The following PRRX2 variants were observed in gnomAD, a reference collection of about 807,000 sequenced individuals.
PRRX2 encodes paired mesoderm homeobox protein 2.
In PRRX2, 11 loss-of-function variants were observed where a neutral mutation model predicts 18.0. That is an observed-to-expected ratio of 0.61 (90% confidence interval 0.39 to 1.01). The LOEUF (loss-of-function observed/expected upper bound fraction) is 1.01, where lower values mean the gene tolerates loss of function less well. Among genes scored for constraint, PRRX2 ranks in the 50% least tolerant of loss-of-function variants. The pLI is 0.01. For missense variants in PRRX2, 387 were observed against 351.0 expected, an observed-to-expected ratio of 1.10 and a Z score of -0.82; for synonymous variants, 177 against 154.8, an observed-to-expected ratio of 1.14 and a Z score of -1.06.
In PRRX2 at chr9:129,675,076, CGAG is replaced by C. The variant is rs1021284915; in HGVS notation, c.259+8952_259+8954del. Among the ~76,000 whole-genome samples the C allele has an allele frequency of 2.0e-5, 3 of 152,148 alleles. No homozygotes were observed. The highest frequency in any genetic ancestry group is 1.9e-4 in the East Asian group (1 of 5,178). On this transcript the variant is annotated intron_variant, in intron 1 of 3. Coordinates refer to ENST00000372469, the MANE Select transcript of PRRX2 (RefSeq NM_016307.4). This position sits in a 1 kb window ranked among gnomAD's most constrained non-coding sequence, Gnocchi z 4.4. Reference sequence around the variant, plus strand: ...TTACCCGAGTGGAAAGCGGTCCTCTCGAGGGGACAGAGAGGCCGGGCAGAGCTG... The same window carrying C: ...TTACCCGAGTGGAAAGCGGTCCTCTCGGGACAGAGAGGCCGGGCAGAGCTG...
At chr9:129,705,833 T>C (rs1832550497) in intron 1 of PRRX2, among the ~76,000 whole-genome samples, 1 of 149,930 alleles carries the variant, frequency 6.7e-6, no homozygotes, top group East Asian at 2.1e-4. Flanking sequence ...CCCAGCACTT[T>C]GGGAGGCCGA....
chr9:129,691,284 C>CCAAG (rs1832357953), intron 1 of PRRX2, among the ~76,000 whole-genome samples: 1 of 151,750 alleles, frequency 6.6e-6, no homozygotes, highest in South Asian at 2.1e-4. Context: ...TTGCGGTGAC[C>CCAAG]CAAGATCGCA....
intron 1 of PRRX2, among the ~76,000 whole-genome samples, chr9:129,673,280 C>T (rs984283563): frequency 6.6e-6 from 1 of 152,020 alleles, no homozygotes; most frequent in South Asian, 2.1e-4. Flanking sequence ...AAGACCTTGC[C>T]TCTACAAACA....
chr9:129,678,088 C>T (rs1832183918), intron 1 of PRRX2, among the ~76,000 whole-genome samples: 1 of 151,368 alleles, frequency 6.6e-6, no homozygotes, highest in Non-Finnish European at 1.5e-5. Flanking sequence ...CTCAGCCTCT[C>T]GAGTAGCTAG....
At position 129,720,657 on chromosome 9, in the gene PRRX2, G is replaced by T. The variant is rs766187907; in HGVS notation, c.509G>T (p.Arg170Leu). The T allele has an allele frequency of 4.3e-6, 7 of 1,613,368 alleles. No individual in the cohort carries two copies. Among genetic ancestry groups the T allele is most frequent in the Non-Finnish European group, 5.9e-6 (7 of 1,179,770 alleles). ...AATGAAAGGGCCATGCTGGCCAGCC[G>T]CTCTGCCTCGCTGCTCAAGTCCTAC... Reference protein sequence around the residue: ...RRNERAMLASRSASLLKSYSQ... With the variant: ...RRNERAMLASLSASLLKSYSQ... The change falls in exon 3 of 4, where the codon CGC becomes CTC. Residue 170 changes from arginine (R) to leucine (L), a missense_variant. Physicochemically the swap from Arg to Leu is moderately radical, Grantham distance 102. Coordinates refer to ENST00000372469, the MANE Select transcript of PRRX2 (RefSeq NM_016307.4).
At position 129,675,759 on chromosome 9, in the gene PRRX2, T is replaced by C. The variant is rs761057261; in HGVS notation, c.259+9633T>C. Among the ~76,000 whole-genome samples the C allele has an allele frequency of 6.6e-6, 1 of 152,196 alleles. No homozygotes were observed. The highest frequency in any genetic ancestry group is 1.5e-5 in the Non-Finnish European group (1 of 68,018). On this transcript the variant is annotated intron_variant, in intron 1 of 3. Transcript: ENST00000372469. The surrounding 1 kb of genome is among the most constrained non-coding windows in gnomAD (Gnocchi z 4.4). ...GAGCTGGAATTACCACGCGGATGGC[T>C]GCAAACCTCGGAATCAAAGCGGGAG...
intron 1 of PRRX2, among the ~76,000 whole-genome samples, chr9:129,674,503 G>A (rs1832140391): frequency 6.6e-6 from 1 of 152,170 alleles, no homozygotes; most frequent in Non-Finnish European, 1.5e-5. Context: ...CCGGGCAACA[G>A]GCTGTGGGCT....
chr9:129,666,179 GC>G, intron 1 of PRRX2, 53 bp downstream of exon 1: 1 of 994,758 alleles, frequency 1.0e-6, no homozygotes, highest in Non-Finnish European at 1.2e-6. Flanking sequence ...CGGGGCCGGG[GC>G]CGGGGCGCGG....
chr9:129,708,213 T>G (rs1272802564), intron 1 of PRRX2, among the ~76,000 whole-genome samples: 1 of 152,184 alleles, frequency 6.6e-6, no homozygotes, highest in Non-Finnish European at 1.5e-5. Flanking sequence ...TTTTTGTATT[T>G]TCAATAGAGA....
At position 129,709,706 on chromosome 9, in the gene PRRX2, T is replaced by C. The variant is rs1832597822; in HGVS notation, c.260-9525T>C. 6.6e-6 allele frequency among the ~76,000 whole-genome samples: 1 copy of C among 152,158 alleles called. No individual in the cohort carries two copies. Among genetic ancestry groups the C allele is most frequent in the Non-Finnish European group, 1.5e-5 (1 of 68,032 alleles). On this transcript the variant is annotated intron_variant, in intron 1 of 3. Coordinates refer to ENST00000372469, the MANE Select transcript of PRRX2 (RefSeq NM_016307.4). This position sits in a 1 kb window ranked among gnomAD's most constrained non-coding sequence, Gnocchi z 4.2. ...ATGTGTCAGCGTCACGGGTTTTTGT[T>C]CAAAATTAATGAGGTGAAACATTCT...
intron 1 of PRRX2, among the ~76,000 whole-genome samples, chr9:129,687,251 G>A (rs1252016613): frequency 6.6e-6 from 1 of 152,132 alleles, no homozygotes; most frequent in Non-Finnish European, 1.5e-5. Flanking sequence ...AAAAAAAGTC[G>A]GCTGCATTCA....
chr9:129,710,800 C>T (rs1832608968), intron 1 of PRRX2, among the ~76,000 whole-genome samples: 2 of 152,098 alleles, frequency 1.3e-5, no homozygotes, highest in South Asian at 2.1e-4. Context: ...GGCAGGGCTG[C>T]ACTCCTGGGG....
chr9:129,673,951 G>A (rs974120683), intron 1 of PRRX2, among the ~76,000 whole-genome samples: 15 of 152,168 alleles, frequency 9.9e-5, no homozygotes, highest in Non-Finnish European at 2.9e-5. Context: ...GCATCCCGCA[G>A]GTAGGGAGGT....
intron 1 of PRRX2, among the ~76,000 whole-genome samples, chr9:129,706,277 T>A (rs1287470038): frequency 6.6e-6 from 1 of 151,528 alleles, no homozygotes; most frequent in African/African-American, 2.4e-5. Flanking sequence ...GAGACTCCCA[T>A]CTCTACACAA....
Position 129,667,736 on chromosome 9 carries a change from G to A in PRRX2, c.259+1610G>A, listed in dbSNP as rs115631935. ...GGAAGGCCGTGCTTCTCCCGGACAC[G>A]GTGTTGGAGGTCTCTGGTGGCGGGT... On this transcript the variant is annotated intron_variant, in intron 1 of 3. Transcript: ENST00000372469. Among the ~76,000 whole-genome samples, 630 of 152,290 alleles carry A rather than the reference G, an allele frequency of 4.1e-3. 4 individuals carry two copies. The highest frequency in any genetic ancestry group is 0.014 in the African/African-American group (593 of 41,566).
chr9:129,712,665 C>G (rs1489501128), intron 1 of PRRX2, among the ~76,000 whole-genome samples: 1 of 152,160 alleles, frequency 6.6e-6, no homozygotes, highest in Non-Finnish European at 1.5e-5. Flanking sequence ...CAGGCCTCCC[C>G]CATCTGAGCT....
At chr9:129,713,779 C>T (rs541352846) in intron 1 of PRRX2, among the ~76,000 whole-genome samples, 2 of 151,662 alleles carry the variant, frequency 1.3e-5, no homozygotes, top group South Asian at 2.1e-4. Flanking sequence ...TACAGGTGCC[C>T]GCCACCATGC....
At chr9:129,701,905 C>T (rs1482542711) in intron 1 of PRRX2, among the ~76,000 whole-genome samples, 4 of 151,984 alleles carry the variant, frequency 2.6e-5, no homozygotes, top group Non-Finnish European at 4.4e-5. Context: ...TGGAGACCAG[C>T]CTGGCCAACA....
rs150677584 is a variant in PRRX2 at position 129,709,877 on chromosome 9, C to T, written c.260-9354C>T. 2.6e-4 allele frequency among the ~76,000 whole-genome samples: 40 copies of T among 152,180 alleles called. No individual in the cohort carries two copies. The highest frequency in any genetic ancestry group is 8.9e-4 in the African/African-American group (37 of 41,516). On this transcript the variant is annotated intron_variant, in intron 1 of 3. Transcript: ENST00000372469. This position sits in a 1 kb window ranked among gnomAD's most constrained non-coding sequence, Gnocchi z 4.2. ...GGAGGGCGGGCTCTGCAGGCTCACC[C>T]GGCCCTTCCCATGCCTCCCCTTCAC...
Sources: allele counts gnomAD v4.1 joint callset (sites outside exome capture counted in the v4.1 genomes callset), GRCh38; gene constraint gnomAD v4.1.1; non-coding constraint Gnocchi (gnomAD v3.1); transcripts MANE v1.5; gene names NCBI Gene and HGNC (gene_info 2026-07-23, HGNC 2026-07-21).